The following LRRTM4 variants were observed in gnomAD, a reference collection of about 807,000 sequenced individuals.
LRRTM4 encodes the protein leucine rich repeat transmembrane neuronal 4.
LRRTM4 carries 25 observed loss-of-function variants against 47.6 expected under a neutral mutation model. The observed-to-expected ratio is 0.53, with a 90% CI of 0.38 to 0.73. The LOEUF (loss-of-function observed/expected upper bound fraction) is 0.73, where lower values mean the gene tolerates loss of function less well. LRRTM4 is among the 30% of genes least tolerant of loss of function. The pLI is 0.00. For synonymous variants in LRRTM4, 311 were observed against 269.5 expected, an observed-to-expected ratio of 1.15 and a Z score of -1.51; for missense variants, 638 against 713.4, an observed-to-expected ratio of 0.89 and a Z score of 1.20.
intron 3 of LRRTM4, among the ~76,000 whole-genome samples, chr2:76,923,613 T>C (rs997223097): frequency 3.3e-5 from 5 of 152,088 alleles, no homozygotes; most frequent in South Asian, 4.1e-4. Flanking sequence ...TTTCATCTAC[T>C]CCTCTACCCA....
At chr2:76,903,198 C>T (rs915784884) in intron 3 of LRRTM4, among the ~76,000 whole-genome samples, 16 of 151,718 alleles carry the variant, frequency 1.1e-4, no homozygotes, top group Non-Finnish European at 7.4e-5. Flanking sequence ...AGTGAAACCC[C>T]GTCTCTACTA....
At chr2:77,412,646 G>A (rs1674488618) in intron 3 of LRRTM4, among the ~76,000 whole-genome samples, 1 of 152,068 alleles carries the variant, frequency 6.6e-6, no homozygotes, top group Non-Finnish European at 1.5e-5. Context: ...TGTAACCCTG[G>A]CCACAAGAGT....
At chr2:77,225,570 C>G (rs946936827) in intron 3 of LRRTM4, among the ~76,000 whole-genome samples, 2 of 151,970 alleles carry the variant, frequency 1.3e-5, no homozygotes, top group African/African-American at 2.4e-5. Flanking sequence ...GGGAACTGTA[C>G]ATGGAATAGT....
chr2:76,788,469 T>G (rs1037265276), intron 3 of LRRTM4, among the ~76,000 whole-genome samples: 2 of 152,214 alleles, frequency 1.3e-5, no homozygotes, highest in African/African-American at 4.8e-5. Context: ...TTACTCGTAC[T>G]AGGAAGTCAG....
intron 3 of LRRTM4, among the ~76,000 whole-genome samples, chr2:77,290,762 C>A (rs997514940): frequency 1.3e-5 from 2 of 152,004 alleles, no homozygotes; most frequent in Non-Finnish European, 1.5e-5. Flanking sequence ...CAGAGCCATA[C>A]CTGTAATTCT....
At chr2:76,784,135 G>A (rs1026623660) in intron 3 of LRRTM4, among the ~76,000 whole-genome samples, 3 of 152,000 alleles carry the variant, frequency 2.0e-5, no homozygotes, top group Admixed American at 6.6e-5. Context: ...CTGTTTTAAT[G>A]TTCAGTGGTG....
chr2:77,310,509 G>T (rs1274681999), intron 3 of LRRTM4, among the ~76,000 whole-genome samples: 1 of 152,120 alleles, frequency 6.6e-6, no homozygotes, highest in Admixed American at 6.5e-5. Context: ...TCATTTTAGT[G>T]CAGAGCAGGC....
At chr2:76,935,664 G>C (rs752441840) in intron 3 of LRRTM4, among the ~76,000 whole-genome samples, 1 of 152,146 alleles carries the variant, frequency 6.6e-6, no homozygotes, top group Admixed American at 6.5e-5. Context: ...TGGTGTATAG[G>C]AATGTTTATG....
rs542707998 is a variant in LRRTM4 at position 77,075,781 on chromosome 2, G to C, written c.1552-326865C>G. Among the ~76,000 whole-genome samples the C allele has an allele frequency of 3.4e-4, 51 of 148,766 alleles. No individual in the cohort carries two copies. The South Asian group carries it at 0.011, about 31-fold the overall frequency. On this transcript the variant is annotated intron_variant, in intron 3 of 3. Transcript: ENST00000409884. ...ATACAAAAAATTAGCCGGGCGTAGT[G>C]GCGGGCGCCTGTAGTCCCAGCTACT...
chr2:76,815,387 C>T (rs886443805), intron 3 of LRRTM4, among the ~76,000 whole-genome samples: 5 of 152,052 alleles, frequency 3.3e-5, no homozygotes, highest in South Asian at 2.1e-4. Context: ...TTAATGAGAA[C>T]GTCCTGCATT....
chr2:76,787,614 T>C (rs553341799), intron 3 of LRRTM4, among the ~76,000 whole-genome samples: 3 of 152,108 alleles, frequency 2.0e-5, no homozygotes, highest in African/African-American at 7.2e-5. Context: ...TGAAAAAATA[T>C]TTTCTATTTT....
intron 3 of LRRTM4, among the ~76,000 whole-genome samples, chr2:77,073,718 A>G (rs1227775836): frequency 6.6e-6 from 1 of 152,028 alleles, no homozygotes; most frequent in Non-Finnish European, 1.5e-5. Context: ...ATGTTGCAGA[A>G]AACTCTCATT....
At position 77,480,816 on chromosome 2, in the gene LRRTM4, GT is replaced by G. The variant is rs1558763415; in HGVS notation, c.1551+37501del. Among the ~76,000 whole-genome samples, 54 of 124,540 alleles carry G rather than the reference GT, an allele frequency of 4.3e-4. No homozygotes were observed. The East Asian group carries it at 8.2e-3, about 19-fold the overall frequency. The allele number at this position is 124,540 out of a possible 152,430, so 81.7% of individuals were successfully genotyped here. A position where few individuals can be genotyped will look rare whatever the true frequency, so the allele number is the denominator to read the frequency against. On this transcript the variant is annotated intron_variant, in intron 3 of 3. Coordinates refer to ENST00000409884, the MANE Select transcript of LRRTM4 (RefSeq NM_001134745.3). ...TGTGTGTGTGTGTGTGTGTGTGTGT[GT>G]GTGTGGAGAGAGAGAGAGAGAGAGA...
Position 77,518,871 on chromosome 2 carries a change from T to C in LRRTM4, c.998A>G (p.Lys333Arg). The change falls in exon 3 of 4, where the codon AAG becomes AGG. Residue 333 changes from lysine to arginine, a missense_variant. Lys to Arg is a conservative substitution (Grantham distance 26). Transcript: ENST00000409884. ...TCCCGCACATATCATGGTGCTTTCC[T>C]TATTTCCTTTGAAATTCTTAAGCCA... ...FYWLKNFKGN[K>R]ESTMICAGPK... The C allele has an allele frequency of 6.2e-7, 1 of 1,605,560 alleles. No individual in the cohort carries two copies. Among genetic ancestry groups the C allele is most frequent in the South Asian group, 1.1e-5 (1 of 90,070 alleles).
chr2:76,916,384 C>CAGAAAAA (rs1674247487), intron 3 of LRRTM4, among the ~76,000 whole-genome samples: 2 of 53,500 alleles, frequency 3.7e-5, no homozygotes, highest in Non-Finnish European at 7.1e-5. Context: ...GACTGTGTCT[C>CAGAAAAA]AAAAAAAAAA....
At chr2:76,811,647 A>C (rs946342930) in intron 3 of LRRTM4, among the ~76,000 whole-genome samples, 1 of 152,202 alleles carries the variant, frequency 6.6e-6, no homozygotes, top group Admixed American at 6.5e-5. Flanking sequence ...GGTTAGCATA[A>C]GAGAGTTGTA....
chr2:77,490,106 CG>C (rs907540638), intron 3 of LRRTM4, among the ~76,000 whole-genome samples: 4 of 151,868 alleles, frequency 2.6e-5, no homozygotes, highest in African/African-American at 9.7e-5. Flanking sequence ...AAACATTAGC[CG>C]GGCACGGTGG....
chr2:76,873,524 A>ATG (rs34966441), intron 3 of LRRTM4, among the ~76,000 whole-genome samples: 4 of 145,492 alleles, frequency 2.7e-5, no homozygotes, highest in African/African-American at 7.6e-5. Context: ...ATATATATAT[A>ATG]TATATATATA....
At chr2:76,904,527 G>A (rs929778506) in intron 3 of LRRTM4, among the ~76,000 whole-genome samples, 7 of 152,204 alleles carry the variant, frequency 4.6e-5, no homozygotes, top group South Asian at 2.1e-4. Context: ...AAATGTGACT[G>A]ACTGAAACAT....
Sources: allele counts gnomAD v4.1 joint callset (sites outside exome capture counted in the v4.1 genomes callset), GRCh38; gene constraint gnomAD v4.1.1; transcripts MANE v1.5; gene names NCBI Gene and HGNC (gene_info 2026-07-23, HGNC 2026-07-21).